Variants in STK3 observed in about 807,000 individuals in gnomAD.
STK3 encodes the protein serine/threonine kinase 3.
A neutral mutation model predicts 58.0 loss-of-function variants in STK3; 41 were observed. The ratio of observed to expected loss-of-function variants is 0.71; its 90% CI spans 0.55 to 0.92. The LOEUF is 0.92. Among genes scored for constraint, STK3 ranks in the 40% least tolerant of loss-of-function variants. The pLI is 0.00. For synonymous variants in STK3, 170 were observed against 191.0 expected (o/e 0.89, Z 0.91); for missense variants, 479 against 602.7 (o/e 0.79, Z 2.15).
rs555208457 is a variant in STK3, at chr8:98,519,928, T to G, written c.1317+6814A>C. Among the ~76,000 whole-genome samples the G allele has an allele frequency of 7.9e-5, 12 of 152,298 alleles. No individual in the cohort carries two copies. In the East Asian group the frequency reaches 1.2e-3, roughly 15 times the overall value. The stretch of plus-strand genomic sequence containing the variant: ...ACTAGTAATTACTGTCAATCCAATT[T>G]CTTTCTTTTTTAAAATTTGGAACCA... On this transcript the variant is annotated intron_variant, in intron 10 of 10. Transcript: ENST00000419617.
At chr8:98,941,929 G>C (rs774093982) in intron 1 of STK3, among the ~76,000 whole-genome samples, 10 of 152,236 alleles carry the variant, frequency 6.6e-5, no homozygotes, top group Admixed American at 4.6e-4. Context: ...CCCCGGGGCC[G>C]CGGCAGGAAT....
At chr8:98,616,723 A>G (rs1201807480) in intron 6 of STK3, among the ~76,000 whole-genome samples, 1 of 151,794 alleles carries the variant, frequency 6.6e-6, no homozygotes, top group African/African-American at 2.4e-5. Context: ...GAAGGCCATT[A>G]CATAATGGTA....
chr8:98,602,265 G>A lies in STK3; in HGVS notation c.685-6096C>T, dbSNP rs1586982734. On this transcript the variant is annotated intron_variant, in intron 6 of 10. Coordinates refer to ENST00000419617, the MANE Select transcript of STK3 (RefSeq NM_006281.4). ...TTCAAAGCAAATCACCAACGTGATGGTATTAGAAGGTGGGGCCTTTGGGAG... is the reference window on the plus strand; with the variant it reads ...TTCAAAGCAAATCACCAACGTGATGATATTAGAAGGTGGGGCCTTTGGGAG... 2.6e-5 allele frequency: 4 copies of A among 152,228 alleles called. No individual in the cohort carries two copies. The South Asian group carries it at 8.3e-4, about 31-fold the overall frequency. 9.4% of individuals were successfully genotyped at this position (152,228 alleles called of 1,614,324 possible).
chr8:98,631,593 T>C (rs1268932015), intron 6 of STK3, among the ~76,000 whole-genome samples: 1 of 152,166 alleles, frequency 6.6e-6, no homozygotes, highest in Admixed American at 6.6e-5. Flanking sequence ...ATATCTGTCA[T>C]TCTGTATCCC....
intron 3 of STK3, among the ~76,000 whole-genome samples, chr8:98,412,703 G>A (rs1057176694): frequency 3.3e-5 from 5 of 152,150 alleles, no homozygotes; most frequent in Non-Finnish European, 5.9e-5. Context: ...TCAAGAGAGA[G>A]GGTTTTTGAT....
At chr8:98,719,830 C>T (rs950312088) in intron 4 of STK3, among the ~76,000 whole-genome samples, 2 of 152,178 alleles carry the variant, frequency 1.3e-5, no homozygotes, top group Admixed American at 1.3e-4. Flanking sequence ...GAGGGCATAA[C>T]CTGAATTTGG....
intron 1 of STK3, chr8:98,904,958 C>G: frequency 1.4e-6 from 1 of 717,762 alleles, no homozygotes; most frequent in Non-Finnish European, 2.6e-6. Context: ...AAGCTGCTGC[C>G]GCTGCTGCTA....
At chr8:98,431,551 A>C (rs1054038371) in intron 3 of STK3, 1 of 167,106 alleles carries the variant, frequency 6.0e-6, no homozygotes, top group Non-Finnish European at 1.5e-5. Flanking sequence ...AGGACGGATC[A>C]GTTTGCCAAG....
intron 8 of STK3, among the ~76,000 whole-genome samples, chr8:98,554,472 A>T (rs1222156465): frequency 6.6e-6 from 1 of 152,152 alleles, no homozygotes; most frequent in African/African-American, 2.4e-5. Context: ...CTACAAAGGG[A>T]CAATAAAGCC....
At chr8:98,581,455 G>A (rs1275814956) in intron 7 of STK3, among the ~76,000 whole-genome samples, 1 of 152,048 alleles carries the variant, frequency 6.6e-6, no homozygotes, top group Non-Finnish European at 1.5e-5. Flanking sequence ...GGAGATGAAT[G>A]CCTTAGCATG....
rs553480921 is a variant in STK3, at chr8:98,856,527, G to A, written c.110+27120C>T. Among the ~76,000 whole-genome samples the A allele has an allele frequency of 3.3e-5, 5 of 152,256 alleles. No homozygotes were observed. The South Asian group carries it at 1.0e-3, about 32-fold the overall frequency. On this transcript the variant is annotated intron_variant, in intron 3 of 12. Transcript: ENST00000523601. ...GAGATACCATTTCACACAGTAGGAT[G>A]GCTAGAATAAAAAAGTCAAATAGCA... is the stretch of plus-strand genomic sequence containing the variant.
At chr8:98,595,996 A>C in intron 7 of STK3, 36 bp downstream of exon 7, 1 of 1,595,712 alleles carries the variant, frequency 6.3e-7, no homozygotes, top group Non-Finnish European at 8.6e-7. Context: ...AAAGGTATGA[A>C]GAAAATATCC....
chr8:98,356,453 G>A, the STK3 span, among the ~76,000 whole-genome samples: 4 of 152,108 alleles, frequency 2.6e-5, no homozygotes, highest in Non-Finnish European at 4.4e-5. Flanking sequence ...AGGGTAGGGG[G>A]CGCAGCTTAG....
At chr8:98,520,863 TC>T in intron 10 of STK3, among the ~76,000 whole-genome samples, 1 of 152,212 alleles carries the variant, frequency 6.6e-6, no homozygotes, top group Admixed American at 6.5e-5. Flanking sequence ...TTAGTCCACT[TC>T]CCCATTTTGT....
intron 6 of STK3, among the ~76,000 whole-genome samples, chr8:98,614,094 T>C (rs181312833): frequency 3.9e-5 from 6 of 152,162 alleles, no homozygotes; most frequent in Admixed American, 6.5e-5. Flanking sequence ...CCATTATCAG[T>C]AGAAATGTCA....
intron 1 of STK3, among the ~76,000 whole-genome samples, chr8:98,923,223 C>T (rs1036374649): frequency 3.3e-5 from 5 of 152,152 alleles, no homozygotes; most frequent in Non-Finnish European, 5.9e-5. Flanking sequence ...AAAAAAAGAA[C>T]AGTAATAATG....
At chr8:98,763,674 C>CT (rs149856522) in intron 3 of STK3, among the ~76,000 whole-genome samples, 113 of 148,536 alleles carry the variant, frequency 7.6e-4, no homozygotes, top group African/African-American at 2.4e-3. Context: ...TTTTCTTTTT[C>CT]TTTTTTTTTT....
At chr8:98,939,375 T>A (rs140887734) in intron 1 of STK3, among the ~76,000 whole-genome samples, 50 of 152,342 alleles carry the variant, frequency 3.3e-4, no homozygotes, top group African/African-American at 1.1e-3. Flanking sequence ...CAGGCCCCAC[T>A]CCCAGTTTCT....
At chr8:98,372,486 G>A (rs1054235280) in intron 2 of STK3, among the ~76,000 whole-genome samples, 1 of 151,968 alleles carries the variant, frequency 6.6e-6, no homozygotes, top group Admixed American at 6.6e-5. Context: ...GCCCAGTGGG[G>A]TTTTTTGTTG....
Sources: gnomAD v4.1 joint callset for allele counts (sites outside exome capture counted in the v4.1 genomes callset) on GRCh38, gnomAD v4.1.1 for gene constraint, MANE v1.5 for transcripts, NCBI Gene and HGNC (gene_info 2026-07-23, HGNC 2026-07-21) for gene names.